CNBD1: variants seen among roughly 807,000 people sequenced by gnomAD.
CNBD1 encodes cyclic nucleotide-binding domain-containing protein 1.
CNBD1 carries 71 observed loss-of-function variants against 54.4 expected under a neutral mutation model. The ratio of observed to expected loss-of-function variants is 1.30; its 90% CI spans 1.08 to 1.59. The LOEUF is 1.59. Among genes scored for constraint, CNBD1 ranks in the 40% most tolerant of loss-of-function variants. The pLI is 0.00. For synonymous variants in CNBD1, 182 were observed against 170.7 expected (o/e 1.07, Z -0.51); for missense variants, 659 against 518.0 (o/e 1.27, Z -2.64).
intron 4 of CNBD1, among the ~76,000 whole-genome samples, chr8:87,101,546 T>C (rs1811429038): frequency 6.6e-6 from 1 of 151,990 alleles, no homozygotes; most frequent in African/African-American, 2.4e-5. Context: ...AAAACCGTAA[T>C]TGGAGACTTT....
chr8:87,016,502 G>A (rs1356466685), intron 4 of CNBD1, among the ~76,000 whole-genome samples: 2 of 150,206 alleles, frequency 1.3e-5, no homozygotes, highest in Admixed American at 6.6e-5. Context: ...AAGCCCTATG[G>A]TTATCAAGAA....
chr8:87,208,031 C>A (rs570667737), intron 5 of CNBD1, among the ~76,000 whole-genome samples: 1 of 152,298 alleles, frequency 6.6e-6, no homozygotes, highest in South Asian at 2.1e-4. Context: ...CTGTCTCTCT[C>A]CTTTTTCTTT....
chr8:87,099,222 G>GA (rs960829817), intron 4 of CNBD1, among the ~76,000 whole-genome samples: 11 of 151,894 alleles, frequency 7.2e-5, no homozygotes, highest in African/African-American at 2.7e-4. Context: ...TGTCAGTTTA[G>GA]AAAAAAATAA....
At chr8:86,884,339 A>C (rs112902454) in intron 1 of CNBD1, among the ~76,000 whole-genome samples, 55 of 152,282 alleles carry the variant, frequency 3.6e-4, no homozygotes, top group African/African-American at 1.1e-3. Context: ...TCAGTGTGCC[A>C]GCATTTATTA....
At chr8:86,915,918 T>G (rs192343688) in intron 3 of CNBD1, among the ~76,000 whole-genome samples, 143 of 152,286 alleles carry the variant, frequency 9.4e-4, no homozygotes, top group Middle Eastern at 3.4e-3. Context: ...AATCTAAGGT[T>G]CCATTTTCTA....
intron 2 of CNBD1, among the ~76,000 whole-genome samples, chr8:87,400,441 T>A (rs9692956): frequency 1.3e-5 from 2 of 151,736 alleles, no homozygotes; most frequent in African/African-American, 4.8e-5. Flanking sequence ...GTTAAATTAT[T>A]ACATTCTACA....
chr8:86,954,415 C>A (rs1586159262), intron 4 of CNBD1, among the ~76,000 whole-genome samples: 1 of 152,098 alleles, frequency 6.6e-6, no homozygotes, highest in Non-Finnish European at 1.5e-5. Context: ...TACAGAAAAA[C>A]CAAATAATAC....
chr8:87,132,376 C>A lies in CNBD1; in HGVS notation c.432-73617C>A, dbSNP rs1029635462. 3.3e-5 allele frequency among the ~76,000 whole-genome samples: 5 copies of A among 151,298 alleles called. No homozygotes were observed. In the East Asian group the frequency reaches 7.7e-4, roughly 23 times the overall value. On this transcript the variant is annotated intron_variant, in intron 4 of 10. Transcript: ENST00000518476. ...TAGAAAGCCTTGTTAATTCATTTGA[C>A]TTTGAGTTAATAAAGTGAATATTTC...
At chr8:87,414,339 A>C (rs1201318473) in intron 2 of CNBD1, among the ~76,000 whole-genome samples, 2 of 152,114 alleles carry the variant, frequency 1.3e-5, no homozygotes, top group Admixed American at 6.6e-5. Flanking sequence ...CCATGGACAC[A>C]GGAAGGGGAA....
At chr8:87,323,262 G>A (rs1809581692) in intron 8 of CNBD1, among the ~76,000 whole-genome samples, 1 of 106,282 alleles carries the variant, frequency 9.4e-6, no homozygotes, top group Non-Finnish European at 2.0e-5. Context: ...TTGTTCTTTT[G>A]GCTTAGGATT....
At chr8:87,139,983 C>G (rs932660522) in intron 4 of CNBD1, among the ~76,000 whole-genome samples, 2 of 152,090 alleles carry the variant, frequency 1.3e-5, no homozygotes, top group African/African-American at 4.8e-5. Flanking sequence ...GCAGTTCTGA[C>G]TTCTTAGTGT....
At chr8:87,278,296 A>AT (rs950371872) in intron 6 of CNBD1, among the ~76,000 whole-genome samples, 2 of 151,544 alleles carry the variant, frequency 1.3e-5, no homozygotes, top group Non-Finnish European at 3.0e-5. Context: ...ACTGATTGAA[A>AT]TTTTTTTCTG....
At chr8:87,305,646 A>G (rs1014689912) in intron 8 of CNBD1, among the ~76,000 whole-genome samples, 6 of 152,252 alleles carry the variant, frequency 3.9e-5, no homozygotes, top group East Asian at 3.9e-4. Flanking sequence ...ACGAAAACAT[A>G]AAGTAGGGAA....
intron 8 of CNBD1, among the ~76,000 whole-genome samples, chr8:87,303,288 G>A (rs1453000668): frequency 4.6e-5 from 7 of 151,940 alleles, no homozygotes; most frequent in Admixed American, 1.3e-4. Flanking sequence ...CCAAAACAGA[G>A]ATATAGACCA....
intron 9 of CNBD1, among the ~76,000 whole-genome samples, chr8:87,352,496 A>AAAAAC (rs60563190): frequency 6.6e-6 from 1 of 151,036 alleles, no homozygotes; most frequent in Non-Finnish European, 1.5e-5. Flanking sequence ...AAAAAAAAAA[A>AAAAAC]CTTATATGAA....
chr8:87,026,357 C>T (rs998997251), intron 4 of CNBD1, among the ~76,000 whole-genome samples: 1 of 151,432 alleles, frequency 6.6e-6, no homozygotes, highest in Admixed American at 6.6e-5. Flanking sequence ...TTCTCCCTCC[C>T]TCCCTCTCTC....
chr8:87,119,108 AT>A (rs927008725), intron 4 of CNBD1, among the ~76,000 whole-genome samples: 3 of 151,464 alleles, frequency 2.0e-5, no homozygotes, highest in Admixed American at 6.6e-5. Flanking sequence ...GAATTTTAAG[AT>A]TTTTTTTTCT....
Position 87,123,962 on chromosome 8 carries a change from T to C in CNBD1, c.432-82031T>C, listed in dbSNP as rs536577986. 4.7e-4 allele frequency among the ~76,000 whole-genome samples: 71 copies of C among 151,756 alleles called. No homozygotes were observed. In the South Asian group the frequency reaches 0.014, roughly 31 times the overall value. On this transcript the variant is annotated intron_variant, in intron 4 of 10. Transcript: ENST00000518476. The stretch of plus-strand genomic sequence containing the variant: ...AGAAATAGAAAATCTGAGAACAATG[T>C]AAAATAAGAATGAATCAGTAATAAG...
intron 4 of CNBD1, among the ~76,000 whole-genome samples, chr8:87,205,769 AATTTCCT>A (rs1813958876): frequency 6.6e-6 from 1 of 152,158 alleles, no homozygotes; most frequent in African/African-American, 2.4e-5. Flanking sequence ...GGCATTGTGT[AATTTCCT>A]AAAGTTTGAA....
Sources: gnomAD v4.1 joint callset for allele counts (sites outside exome capture counted in the v4.1 genomes callset) on GRCh38, gnomAD v4.1.1 for gene constraint, MANE v1.5 for transcripts, NCBI Gene and HGNC (gene_info 2026-07-23, HGNC 2026-07-21) for gene names.